Variants in GRK5 observed in about 807,000 individuals in gnomAD.
GRK5 encodes G protein-coupled receptor kinase 5, also known as g protein-coupled receptor kinase GRK5.
In GRK5, 40 loss-of-function variants were observed where a neutral mutation model predicts 78.4. The observed-to-expected ratio is 0.51, with a 90% CI of 0.40 to 0.66. The LOEUF (loss-of-function observed/expected upper bound fraction) is 0.66, where lower values mean the gene tolerates loss of function less well. GRK5 is among the 30% of genes least tolerant of loss of function. GRK5 has a pLI of 0.00. For synonymous variants in GRK5, 289 were observed against 296.8 expected, an observed-to-expected ratio of 0.97 and a Z score of 0.27; for missense variants, 598 against 759.9, an observed-to-expected ratio of 0.79 and a Z score of 2.50.
intron 2 of GRK5, among the ~76,000 whole-genome samples, chr10:119,341,320 A>G (rs1263194981): frequency 6.6e-6 from 1 of 152,244 alleles, no homozygotes; most frequent in African/African-American, 2.4e-5. Context: ...GACAGAGTCC[A>G]GAGGTCTTGC....
At chr10:119,433,069 A>AAAAAC (rs1243492735) in intron 8 of GRK5, among the ~76,000 whole-genome samples, 1 of 152,176 alleles carries the variant, frequency 6.6e-6, no homozygotes, top group East Asian at 1.9e-4. Context: ...AGACTTTGTT[A>AAAAAC]AAAACAAAAC....
intron 1 of GRK5, among the ~76,000 whole-genome samples, chr10:119,318,335 G>A (rs533682570): frequency 2.6e-5 from 4 of 152,312 alleles, no homozygotes; most frequent in African/African-American, 9.6e-5. Flanking sequence ...GTGATGTGAG[G>A]ATTGAACTAG....
chr10:119,423,460 T>TGC (rs3831253), intron 5 of GRK5, among the ~76,000 whole-genome samples, 194 bp downstream of exon 5: 38,283 of 152,064 alleles, frequency 0.25, 4,973 homozygotes, highest in East Asian at 0.4. Flanking sequence ...AGAAAACATC[T>TGC]GCTGCAAAGG....
chr10:119,253,485 C>T lies in GRK5; in HGVS notation c.52+45516C>T, dbSNP rs931720330. Among the ~76,000 whole-genome samples, 9 of 152,208 alleles carry T rather than the reference C, an allele frequency of 5.9e-5. No homozygotes were observed. The highest frequency in any genetic ancestry group is 2.2e-4 in the African/African-American group (9 of 41,448). The stretch of plus-strand genomic sequence containing the variant: ...GCTTAGGCTCCTCCGTGTAGCTGCT[C>T]TATTTTTCATGCCTCTTGCCTGGGT... On this transcript the variant is annotated intron_variant, in intron 1 of 15. Coordinates refer to ENST00000392870, the MANE Select transcript of GRK5 (RefSeq NM_005308.3). This position sits in a 1 kb window ranked among gnomAD's most constrained non-coding sequence, Gnocchi z 5.7.
rs1302434631 is a variant in GRK5 at position 119,264,390 on chromosome 10, C to T, written c.52+56421C>T. Reference sequence around the variant, plus strand: ...TCAAGTCCTACCATCTGGTGTTTGTCCTTCTCTGTTTCCTGCCTCCTGCTT... The same window carrying T: ...TCAAGTCCTACCATCTGGTGTTTGTTCTTCTCTGTTTCCTGCCTCCTGCTT... On this transcript the variant is annotated intron_variant, in intron 1 of 15. Coordinates refer to ENST00000392870, the MANE Select transcript of GRK5 (RefSeq NM_005308.3). This position sits in a 1 kb window ranked among gnomAD's most constrained non-coding sequence, Gnocchi z 4.1. Among the ~76,000 whole-genome samples the T allele has an allele frequency of 6.6e-5, 10 of 152,052 alleles. No homozygotes were observed. The highest frequency in any genetic ancestry group is 1.2e-4 in the Non-Finnish European group (8 of 68,002).
chr10:119,237,936 AAGGGGCTGGAGTTGAGGGATGGAGG>A (rs1370055236), intron 1 of GRK5, among the ~76,000 whole-genome samples: 1 of 3,736 alleles, frequency 2.7e-4, no homozygotes, highest in Non-Finnish European at 1.4e-3. Flanking sequence ...GGGATGGAGG[AAGGGGCTGGAGTTGAGGGATGGAGG>A]AAGGGGCTGG....
At chr10:119,248,676 G>A (rs1397727129) in intron 1 of GRK5, among the ~76,000 whole-genome samples, 1 of 151,916 alleles carries the variant, frequency 6.6e-6, no homozygotes, top group African/African-American at 2.4e-5. Flanking sequence ...GGGCCTGTGA[G>A]GCAAGACTGA....
intron 1 of GRK5, among the ~76,000 whole-genome samples, chr10:119,297,104 G>T (rs565869808): frequency 6.6e-6 from 1 of 152,214 alleles, no homozygotes; most frequent in East Asian, 1.9e-4. Context: ...TCCCTCCTTC[G>T]GGACACTGCA....
At chr10:119,218,179 G>A (rs1848606368) in intron 1 of GRK5, among the ~76,000 whole-genome samples, 1 of 151,980 alleles carries the variant, frequency 6.6e-6, no homozygotes, top group Non-Finnish European at 1.5e-5. Flanking sequence ...GCACTTCCTT[G>A]GGGGTCCACA....
intron 1 of GRK5, among the ~76,000 whole-genome samples, chr10:119,232,930 A>G (rs553364720): frequency 6.6e-6 from 1 of 152,370 alleles, no homozygotes; most frequent in African/African-American, 2.4e-5. Context: ...CAACATCACC[A>G]TGTACCCCAT....
intron 2 of GRK5, among the ~76,000 whole-genome samples, chr10:119,341,599 G>T (rs1850982617): frequency 6.6e-6 from 1 of 151,954 alleles, no homozygotes; most frequent in African/African-American, 2.4e-5. Context: ...GCTGCCACTG[G>T]CCCCACTGTG....
chr10:119,261,083 C>G (rs1447998438), intron 1 of GRK5, among the ~76,000 whole-genome samples: 44 of 50,984 alleles, frequency 8.6e-4, no homozygotes, highest in Non-Finnish European at 1.2e-3. Flanking sequence ...CGGGCGGAGA[C>G]GCTCCTCACT....
At chr10:119,338,094 A>G (rs561741954) in intron 2 of GRK5, among the ~76,000 whole-genome samples, 7 of 152,332 alleles carry the variant, frequency 4.6e-5, no homozygotes, top group African/African-American at 1.7e-4. Context: ...AGTTGAACCC[A>G]TAACATATTC....
intron 2 of GRK5, among the ~76,000 whole-genome samples, chr10:119,338,271 G>C (rs897486282): frequency 1.3e-5 from 2 of 152,142 alleles, no homozygotes; most frequent in African/African-American, 2.4e-5. Flanking sequence ...TCTGTGGGAG[G>C]AGCAATTGTT....
At chr10:119,221,386 C>T (rs1848654886) in intron 1 of GRK5, among the ~76,000 whole-genome samples, 1 of 152,202 alleles carries the variant, frequency 6.6e-6, no homozygotes, top group Admixed American at 6.5e-5. Context: ...GCTGCAGAGC[C>T]TTTCCATATC....
At chr10:119,435,364 CCCTTA>C (rs1852900524) in intron 8 of GRK5, among the ~76,000 whole-genome samples, 1 of 152,222 alleles carries the variant, frequency 6.6e-6, no homozygotes, top group African/African-American at 2.4e-5. Flanking sequence ...TGCTCTCCTT[CCCTTA>C]CAAAACTGAA....
At chr10:119,228,642 T>C (rs1056595287) in intron 1 of GRK5, among the ~76,000 whole-genome samples, 5 of 151,844 alleles carry the variant, frequency 3.3e-5, no homozygotes, top group African/African-American at 1.2e-4. Context: ...GAAAAAAGAA[T>C]TATGGAGACC....
intron 3 of GRK5, among the ~76,000 whole-genome samples, chr10:119,394,358 G>GTGTGGGGTA (rs1851975083): frequency 9.7e-6 from 1 of 102,894 alleles, no homozygotes; most frequent in African/African-American, 3.7e-5. Flanking sequence ...ATGTGGGTGT[G>GTGTGGGGTA]TGGGTGTGTG....
chr10:119,432,026 C>A (rs1442541286), intron 8 of GRK5, among the ~76,000 whole-genome samples: 2 of 152,232 alleles, frequency 1.3e-5, no homozygotes, highest in African/African-American at 2.4e-5. Context: ...AGCAGAGGTT[C>A]ATCTGTCACT....
Sources: gnomAD v4.1 joint callset for allele counts (sites outside exome capture counted in the v4.1 genomes callset) on GRCh38, gnomAD v4.1.1 for gene constraint, Gnocchi (gnomAD v3.1) non-coding constraint, MANE v1.5 for transcripts, NCBI Gene and HGNC (gene_info 2026-07-23, HGNC 2026-07-21) for gene names.